The following PREP variants were observed in gnomAD, a reference collection of about 807,000 sequenced individuals.
PREP encodes prolyl endopeptidase, also known as dJ355L5.1 (prolyl endopeptidase).
PREP carries 29 observed loss-of-function variants against 87.6 expected under a neutral mutation model. That is an observed-to-expected ratio of 0.33 (90% CI 0.25 to 0.45). The LOEUF (loss-of-function observed/expected upper bound fraction) is 0.45, where lower values mean the gene tolerates loss of function less well. Ranked by LOEUF, PREP falls within the 20% of genes least tolerant of loss-of-function variation. The pLI is 1.00. For missense variants in PREP, 695 were observed against 886.5 expected (o/e 0.78, Z 2.74); for synonymous variants, 337 against 328.6 (o/e 1.03, Z -0.28).
chr6:105,348,298 A>C (rs1370624504), intron 7 of PREP, among the ~76,000 whole-genome samples: 1 of 152,244 alleles, frequency 6.6e-6, no homozygotes, highest in Non-Finnish European at 1.5e-5. Flanking sequence ...CAAAATGCTC[A>C]GAAGGCAGTA....
intron 7 of PREP, among the ~76,000 whole-genome samples, chr6:105,333,784 C>T (rs1014287785): frequency 6.6e-6 from 1 of 152,146 alleles, no homozygotes; most frequent in African/African-American, 2.4e-5. Context: ...ACTGAGCCGG[C>T]CTCAAATCTG....
At chr6:105,318,567 C>T (rs778592015) in intron 10 of PREP, among the ~76,000 whole-genome samples, 7 of 152,156 alleles carry the variant, frequency 4.6e-5, no homozygotes, top group Admixed American at 3.3e-4. Context: ...ATGAACACTA[C>T]GCTCTCAAGC....
chr6:105,318,607 A>G (rs1358680866), intron 10 of PREP, among the ~76,000 whole-genome samples: 1 of 152,214 alleles, frequency 6.6e-6, no homozygotes, highest in Middle Eastern at 3.2e-3. Context: ...GGGAAATTCT[A>G]AAGTAAAATA....
At chr6:105,354,521 GTT>G (rs77387653) in intron 6 of PREP, among the ~76,000 whole-genome samples, 3 of 144,352 alleles carry the variant, frequency 2.1e-5, no homozygotes, top group African/African-American at 2.5e-5. Flanking sequence ...TGTTTGTGAA[GTT>G]TTTTTTTTTT....
At chr6:105,398,126 A>G (rs751137322) in intron 1 of PREP, among the ~76,000 whole-genome samples, 199 bp from the exon 2 acceptor site, 5 of 152,214 alleles carry the variant, frequency 3.3e-5, no homozygotes, top group African/African-American at 7.2e-5. Context: ...CATGAAAAGA[A>G]TGTTTCAGCT....
chr6:105,359,663 A>G lies in PREP; in HGVS notation c.718-6586T>C. 1.3e-5 allele frequency among the ~76,000 whole-genome samples: 2 copies of G among 152,122 alleles called. 1 individual carries two copies. Among genetic ancestry groups the G allele is most frequent in the Non-Finnish European group, 2.9e-5 (2 of 68,032 alleles). ...GTTGGGAGCAGACAGCTCTCAGACGAGAATCTCTCCAGGTCTCATCCTCAA... is the reference window on the plus strand; with the variant it reads ...GTTGGGAGCAGACAGCTCTCAGACGGGAATCTCTCCAGGTCTCATCCTCAA... On this transcript the variant is annotated intron_variant, in intron 6 of 14. Coordinates refer to ENST00000652536, the MANE Select transcript of PREP (RefSeq NM_002726.5).
At chr6:105,387,616 AAAAAG>A (rs1562227042) in intron 2 of PREP, among the ~76,000 whole-genome samples, 2 of 61,626 alleles carry the variant, frequency 3.2e-5, no homozygotes, top group South Asian at 1.0e-3. Flanking sequence ...CTAAAAAAAA[AAAAAG>A]AAAAAAAGAA....
chr6:105,387,629 GAA>G (rs771319236), intron 2 of PREP, among the ~76,000 whole-genome samples: 2 of 127,852 alleles, frequency 1.6e-5, no homozygotes, highest in Non-Finnish European at 3.3e-5. Flanking sequence ...AAGAAAAAAA[GAA>G]AAAAAGAAAA....
chr6:105,294,679 C>T lies in PREP; in HGVS notation c.1318-5785G>A, dbSNP rs964499017. The stretch of plus-strand genomic sequence containing the variant: ...TTAAGAGTCTCCTGAGACAAACCAA[C>T]AGCACAACGCTCACCCATCACCTTG... On this transcript the variant is annotated intron_variant, in intron 10 of 14. Transcript: ENST00000652536. Among the ~76,000 whole-genome samples, 20 of 152,320 alleles carry T rather than the reference C, an allele frequency of 1.3e-4. No individual in the cohort carries two copies. In the South Asian group the frequency reaches 1.9e-3, roughly 14 times the overall value.
At chr6:105,351,008 C>G (rs916977839) in intron 7 of PREP, among the ~76,000 whole-genome samples, 10 of 152,172 alleles carry the variant, frequency 6.6e-5, no homozygotes, top group Non-Finnish European at 1.0e-4. Flanking sequence ...CCAAACGCAT[C>G]AGTAAAGCCC....
Position 105,276,609 on chromosome 6 carries a change from G to GCAA in PREP, c.*1532_*1534dup, listed in dbSNP as rs1769936295. Among the ~76,000 whole-genome samples, 1 of 152,232 alleles carries GCAA rather than the reference G, an allele frequency of 6.6e-6. No homozygotes were observed. The highest frequency in any genetic ancestry group is 2.1e-4 in the South Asian group (1 of 4,834). ...GGTGATGACGACAGAGTCTCAGCAT[G>GCAA]CAACACTAGCTACTGGCACACTTTG... On this transcript the variant is annotated 3_prime_UTR_variant, in exon 15 of 15. Transcript: ENST00000652536.
Position 105,316,756 on chromosome 6 carries a change from CAA to C in PREP, c.1317+6907_1317+6908del, listed in dbSNP as rs935033055. The stretch of plus-strand genomic sequence containing the variant: ...TTAGTATTTAAAACTATTTATAAAA[CAA>C]GTCATTAAATAAATCATATTTACAA... On this transcript the variant is annotated intron_variant, in intron 10 of 14. Coordinates refer to ENST00000652536, the MANE Select transcript of PREP (RefSeq NM_002726.5). Among the ~76,000 whole-genome samples the C allele has an allele frequency of 5.9e-5, 9 of 151,952 alleles. 1 individual carries two copies. The highest frequency in any genetic ancestry group is 2.2e-4 in the African/African-American group (9 of 41,354).
intron 10 of PREP, among the ~76,000 whole-genome samples, chr6:105,317,317 T>C (rs1770900622): frequency 6.6e-6 from 1 of 152,094 alleles, no homozygotes; most frequent in Non-Finnish European, 1.5e-5. Context: ...TAACTTATCT[T>C]GATAACAAAA....
At chr6:105,389,469 G>GGAAT (rs2114728165) in intron 2 of PREP, among the ~76,000 whole-genome samples, 1 of 152,250 alleles carries the variant, frequency 6.6e-6, no homozygotes, top group African/African-American at 2.4e-5. Flanking sequence ...ACAGAATGAA[G>GGAAT]GAATTATCCA....
chr6:105,334,739 A>G (rs954928366), intron 7 of PREP, among the ~76,000 whole-genome samples: 5 of 151,658 alleles, frequency 3.3e-5, no homozygotes, highest in Admixed American at 1.3e-4. Context: ...CAACAACAAC[A>G]GAGATGCGGT....
chr6:105,341,802 A>C (rs546856519), intron 7 of PREP, among the ~76,000 whole-genome samples: 2 of 152,338 alleles, frequency 1.3e-5, no homozygotes, highest in Non-Finnish European at 2.9e-5. Flanking sequence ...AAATGGATTA[A>C]TTCCTGGACA....
At chr6:105,312,805 C>G (rs969348557) in intron 10 of PREP, among the ~76,000 whole-genome samples, 1 of 152,032 alleles carries the variant, frequency 6.6e-6, no homozygotes, top group African/African-American at 2.4e-5. Context: ...GAAAAATGAG[C>G]AGAACCAGGA....
At position 105,355,416 on chromosome 6, in the gene PREP, G is replaced by GC. The variant is rs1287583733; in HGVS notation, c.718-2340dup. Among the ~76,000 whole-genome samples the GC allele has an allele frequency of 1.6e-4, 25 of 152,230 alleles. No homozygotes were observed. In the South Asian group the frequency reaches 5.0e-3, roughly 30 times the overall value. On this transcript the variant is annotated intron_variant, in intron 6 of 14. Transcript: ENST00000652536. ...AATCAAGGTAAACCCCATTAAGAAG[G>GC]CATCTTTCCACTGTTTTCTGACTTG...
At chr6:105,349,898 T>TAAAAAAAAAAAAAAAAAAAAAA (rs1162063177) in intron 7 of PREP, among the ~76,000 whole-genome samples, 2 of 59,456 alleles carry the variant, frequency 3.4e-5, no homozygotes, top group African/African-American at 1.0e-4. Flanking sequence ...GGGAAGCAGG[T>TAAAAAAAAAAAAAAAAAAAAAA]AAAAAAAAAA....
Sources: gnomAD v4.1 joint callset for allele counts (sites outside exome capture counted in the v4.1 genomes callset) on GRCh38, gnomAD v4.1.1 for gene constraint, MANE v1.5 for transcripts, NCBI Gene and HGNC (gene_info 2026-07-23, HGNC 2026-07-21) for gene names.